Variants in PPP1R37 observed in about 807,000 individuals in gnomAD.
PPP1R37 encodes leucine rich repeat containing 68.
In PPP1R37, 21 loss-of-function variants were observed where a neutral mutation model predicts 61.0. The observed-to-expected ratio is 0.34, with a 90% CI of 0.24 to 0.50. The LOEUF is 0.50. Among genes scored for constraint, PPP1R37 ranks in the 20% least tolerant of loss-of-function variants. PPP1R37 has a pLI of 0.98. For missense variants in PPP1R37, 910 were observed against 952.7 expected (o/e 0.96, Z 0.59); for synonymous variants, 443 against 433.5 (o/e 1.02, Z -0.27).
At chr19:45,103,463 G>A (rs752105097) in intron 1 of PPP1R37, among the ~76,000 whole-genome samples, 10 of 152,196 alleles carry the variant, frequency 6.6e-5, no homozygotes, top group Non-Finnish European at 8.8e-5. Context: ...GGTCGGACTC[G>A]TGTGCCACCT....
chr19:45,103,011 C>T (rs1018487814), intron 1 of PPP1R37, among the ~76,000 whole-genome samples: 4 of 152,286 alleles, frequency 2.6e-5, no homozygotes, highest in East Asian at 1.9e-4. Context: ...AAAAGGAATT[C>T]GAGAGATCCG....
At chr19:45,146,079 G>A (rs1968695423) in intron 11 of PPP1R37, 30 bp downstream of exon 11, 2 of 1,500,626 alleles carry the variant, frequency 1.3e-6, no homozygotes, top group Non-Finnish European at 8.9e-7. Flanking sequence ...AGGTGTTGAG[G>A]GGCCCTGGGT....
Position 45,145,175 on chromosome 19 carries a change from G to T in PPP1R37, c.1211G>T (p.Gly404Val). 6.5e-7 allele frequency: 1 copy of T among 1,535,308 alleles called. No homozygotes were observed. Among genetic ancestry groups the T allele is most frequent in the Non-Finnish European group, 8.7e-7 (1 of 1,146,546 alleles). ...CTTCGGGAGAACGAGATCAAGACAGGCGGGCTCATGGCACTGTCGTTGGCC... is the reference window on the plus strand; with the variant it reads ...CTTCGGGAGAACGAGATCAAGACAGTCGGGCTCATGGCACTGTCGTTGGCC... ...LDLRENEIKT[G>V]GLMALSLALK... is the part of the protein sequence containing the mutation. Residue 404 changes from glycine to valine, a missense_variant, in exon 10 of 13, where the codon GGC becomes GTC. This residue lies in a region of PPP1R37 where 549 missense variants were observed against 505.1 expected (regional missense o/e 1.09). Coordinates refer to ENST00000221462, the MANE Select transcript of PPP1R37 (RefSeq NM_019121.2).
At chr19:45,132,817 C>T (rs981236943) in intron 1 of PPP1R37, among the ~76,000 whole-genome samples, 8 of 152,228 alleles carry the variant, frequency 5.3e-5, no homozygotes, top group South Asian at 4.1e-4. Context: ...GAACTTCCTG[C>T]CTTGGCTTCC....
chr19:45,145,530 G>T lies in PPP1R37; in HGVS notation c.1474G>T (p.Val492Leu), dbSNP rs996618165. 7 of 1,534,548 alleles carry T rather than the reference G, an allele frequency of 4.6e-6. No individual in the cohort carries two copies. The highest frequency in any genetic ancestry group is 6.1e-6 in the Non-Finnish European group (7 of 1,146,184). Reference sequence around the variant, plus strand: ...GCCCGACGACGAGCCCGCCGCTGGGGTGCAGAACGGGGCCCCCAGCCCCGC... The same window carrying T: ...GCCCGACGACGAGCCCGCCGCTGGGTTGCAGAACGGGGCCCCCAGCCCCGC... ...PQPDDEPAAGVQNGAPSPAPS... is the reference protein window; with the variant it reads ...PQPDDEPAAGLQNGAPSPAPS... Residue 492 changes from valine to leucine, a missense_variant, in exon 11 of 13, where the codon GTG becomes TTG. Val to Leu is a conservative substitution (Grantham distance 32, BLOSUM62 1). Coordinates refer to ENST00000221462, the MANE Select transcript of PPP1R37 (RefSeq NM_019121.2).
chr19:45,109,584 G>A (rs1243158220), intron 1 of PPP1R37, among the ~76,000 whole-genome samples: 1 of 152,188 alleles, frequency 6.6e-6, no homozygotes, highest in Non-Finnish European at 1.5e-5. Flanking sequence ...GCTACTTGGG[G>A]TCATTGGTCA....
At chr19:45,142,677 G>GGCT (rs1968629953) in intron 7 of PPP1R37, 2 of 564,358 alleles carry the variant, frequency 3.5e-6, no homozygotes, top group Non-Finnish European at 6.2e-6. Context: ...ATCAGTCTGG[G>GGCT]GGCCAGGGAG....
intron 1 of PPP1R37, among the ~76,000 whole-genome samples, chr19:45,135,806 G>A (rs1968532570): frequency 6.9e-6 from 1 of 144,220 alleles, no homozygotes; most frequent in African/African-American, 2.7e-5. Context: ...TTTGGAAATG[G>A]AGTTTGGCTC....
At chr19:45,117,458 G>A (rs1056082838) in intron 1 of PPP1R37, among the ~76,000 whole-genome samples, 3 of 152,214 alleles carry the variant, frequency 2.0e-5, no homozygotes, top group Non-Finnish European at 4.4e-5. Context: ...GCAGGGACAG[G>A]TGGTGCCGAG....
rs1436198574 is a variant in PPP1R37, at chr19:45,130,887, TC to T, written c.203-7623del. Among the ~76,000 whole-genome samples, 1 of 152,076 alleles carries T rather than the reference TC, an allele frequency of 6.6e-6. No individual in the cohort carries two copies. The highest frequency in any genetic ancestry group is 1.9e-4 in the East Asian group (1 of 5,180). ...TCCAGGCTTGTCTGGACTTCCTCCC[TC>T]CCCATCCCTCCTCTGAGAGTTGACA... is the stretch of plus-strand genomic sequence containing the variant. On this transcript the variant is annotated intron_variant, in intron 1 of 12. Coordinates refer to ENST00000221462, the MANE Select transcript of PPP1R37 (RefSeq NM_019121.2). This position sits in a 1 kb window ranked among gnomAD's most constrained non-coding sequence, Gnocchi z 4.4.
Position 45,144,840 on chromosome 19 carries a change from C to G in PPP1R37, c.988-14C>G. 1 of 1,523,186 alleles carries G rather than the reference C, an allele frequency of 6.6e-7. No homozygotes were observed. Among genetic ancestry groups the G allele is most frequent in the Non-Finnish European group, 8.8e-7 (1 of 1,138,918 alleles). 94.4% of individuals were successfully genotyped at this position (1,523,186 alleles called of 1,614,324 possible). On this transcript the variant is annotated splice_polypyrimidine_tract_variant and intron_variant, in intron 8 of 12. Coordinates refer to ENST00000221462, the MANE Select transcript of PPP1R37 (RefSeq NM_019121.2). ...TCACGGCCTCCTCCTCACCCTCACACCCCCTCCCTCCAGCCGCACACTCAG... is the reference window on the plus strand; with the variant it reads ...TCACGGCCTCCTCCTCACCCTCACAGCCCCTCCCTCCAGCCGCACACTCAG...
In PPP1R37 at chr19:45,142,356, A is replaced by G; in HGVS notation, c.772A>G (p.Lys258Glu). 6.5e-7 allele frequency: 1 copy of G among 1,536,008 alleles called. No individual in the cohort carries two copies. The highest frequency in any genetic ancestry group is 8.7e-7 in the Non-Finnish European group (1 of 1,146,900). The change falls in exon 7 of 13, where the codon AAG becomes GAG. Residue 258 changes from lysine to glutamate, a missense_variant. Physicochemically the swap from Lys to Glu is moderately conservative, Grantham distance 56 (BLOSUM62 1). This residue lies in a region of PPP1R37 where 280 missense variants were observed against 382.2 expected (regional missense o/e 0.73). Coordinates refer to ENST00000221462, the MANE Select transcript of PPP1R37 (RefSeq NM_019121.2). ...GCGGGAGCTGTACCTGGCGGACAAC[A>G]AGCTCAACGGCCTGCAGGACTCGGC... ...NLRELYLADN[K>E]LNGLQDSAQL...
chr19:45,136,081 C>T (rs1006226825), intron 1 of PPP1R37: 1 of 152,178 alleles, frequency 6.6e-6, no homozygotes, highest in Non-Finnish European at 1.5e-5. Flanking sequence ...CCATGCCTGG[C>T]CTGGAATGAT....
chr19:45,143,104 G>A, intron 7 of PPP1R37: 1 of 170,918 alleles, frequency 5.9e-6, no homozygotes, highest in Non-Finnish European at 1.3e-5. Context: ...TCGGCCCCTG[G>A]GCTCAGCTCG....
chr19:45,145,059 G>A (rs1363269187), intron 9 of PPP1R37, 35 bp from the exon 10 acceptor site: 2 of 1,523,170 alleles, frequency 1.3e-6, no homozygotes, highest in African/African-American at 2.8e-5. Flanking sequence ...AGCCGGGTGT[G>A]GGGCCCGTGG....
Position 45,147,221 on chromosome 19 carries a change from G to C in PPP1R37, c.*659G>C, listed in dbSNP as rs561297487. 6.6e-6 allele frequency: 1 copy of C among 152,514 alleles called. No homozygotes were observed. The highest frequency in any genetic ancestry group is 2.1e-4 in the South Asian group (1 of 4,838). The allele number at this position is 152,514 out of a possible 1,614,324, so 9.4% of individuals were successfully genotyped here. ...TGGGTGAGGGTGGGCAGAGGGCTGGGGCTACTCCTGTCGGTGCAACTCTGT... is the reference window on the plus strand; with the variant it reads ...TGGGTGAGGGTGGGCAGAGGGCTGGCGCTACTCCTGTCGGTGCAACTCTGT... On this transcript the variant is annotated 3_prime_UTR_variant, in exon 13 of 13. Transcript: ENST00000221462.
At chr19:45,127,011 G>T (rs570396927) in intron 1 of PPP1R37, among the ~76,000 whole-genome samples, 1 of 152,142 alleles carries the variant, frequency 6.6e-6, no homozygotes, top group African/African-American at 2.4e-5. Flanking sequence ...GAACTGCGTC[G>T]TTAGGTGATT....
intron 1 of PPP1R37, among the ~76,000 whole-genome samples, chr19:45,135,720 C>T (rs533762747): frequency 1.3e-5 from 2 of 151,830 alleles, no homozygotes; most frequent in African/African-American, 4.8e-5. Flanking sequence ...GGCAGCGCTG[C>T]TCTGTGTGTC....
At chr19:45,097,816 C>G (rs10408366) in intron 1 of PPP1R37, among the ~76,000 whole-genome samples, 21,506 of 152,046 alleles carry the variant, frequency 0.14, 1,696 homozygotes, top group Non-Finnish European at 0.17. Context: ...CTCCGCTTTC[C>G]TCAAGGACAC....
Sources: gnomAD v4.1 joint callset for allele counts (sites outside exome capture counted in the v4.1 genomes callset) on GRCh38, gnomAD v4.1.1 for gene constraint, gnomAD v4.1.1 regional missense constraint, Gnocchi (gnomAD v3.1) non-coding constraint, MANE v1.5 for transcripts, NCBI Gene and HGNC (gene_info 2026-07-23, HGNC 2026-07-21) for gene names.